Variants in STAP1 observed in about 807,000 individuals in gnomAD.
STAP1 encodes the protein signal-transducing adaptor protein 1.
A neutral mutation model predicts 37.8 loss-of-function variants in STAP1; 30 were observed. The ratio of observed to expected loss-of-function variants is 0.79; its 90% confidence interval spans 0.59 to 1.08. The LOEUF (loss-of-function observed/expected upper bound fraction) is 1.08, where lower values mean the gene tolerates loss of function less well. Ranked by LOEUF, STAP1 falls within the 50% of genes least tolerant of loss-of-function variation. The probability of loss-of-function intolerance (pLI) is 0.00; values close to 1 mark genes in which losing one functional copy is unlikely to be tolerated. For missense variants in STAP1, 357 were observed against 349.4 expected, an observed-to-expected ratio of 1.02 and a Z score of -0.17; for synonymous variants, 130 against 116.0, an observed-to-expected ratio of 1.12 and a Z score of -0.78.
intron 6 of STAP1, among the ~76,000 whole-genome samples, chr4:67,590,270 AGG>A (rs2109871001): frequency 6.6e-6 from 1 of 152,332 alleles, no homozygotes; most frequent in South Asian, 2.1e-4. Flanking sequence ...ACTATAGAAG[AGG>A]AAGACAATAC....
chr4:67,577,406 T>C (rs977607746), intron 4 of STAP1, 147 bp downstream of exon 4: 17 of 546,026 alleles, frequency 3.1e-5, no homozygotes, highest in Non-Finnish European at 4.6e-5. Context: ...TTATGAACAT[T>C]ATATTTTCAT....
chr4:67,561,114 T>C (rs955827734), intron 1 of STAP1, among the ~76,000 whole-genome samples: 22 of 152,230 alleles, frequency 1.4e-4, no homozygotes, highest in Non-Finnish European at 3.2e-4. Context: ...TATCATACTC[T>C]TATTCAGGTA....
intron 3 of STAP1, among the ~76,000 whole-genome samples, chr4:67,576,638 C>G (rs924778133): frequency 1.3e-5 from 2 of 152,156 alleles, no homozygotes; most frequent in African/African-American, 4.8e-5. Flanking sequence ...TCTCAAGTAG[C>G]TGACACCACC....
At chr4:67,594,694 A>G (rs1423272207) in intron 8 of STAP1, among the ~76,000 whole-genome samples, 1 of 152,166 alleles carries the variant, frequency 6.6e-6, no homozygotes, top group African/African-American at 2.4e-5. Context: ...TCTGTCATCT[A>G]AATTATTGGT....
chr4:67,593,250 A>G lies in STAP1; in HGVS notation c.730-10A>G, dbSNP rs529990459. The G allele has an allele frequency of 2.3e-5, 37 of 1,603,256 alleles. No homozygotes were observed. The South Asian group carries it at 2.9e-4, about 13-fold the overall frequency. ...GATGCTGAGTTTTCTCTCACTCTCT[A>G]TTAATACAGGTAACACTCCCAAACC... On this transcript the variant is annotated splice_polypyrimidine_tract_variant and intron_variant, in intron 7 of 8. Coordinates refer to ENST00000265404, the MANE Select transcript of STAP1 (RefSeq NM_012108.4).
At chr4:67,600,534 C>T (rs1455996998) in intron 8 of STAP1, among the ~76,000 whole-genome samples, 1 of 152,044 alleles carries the variant, frequency 6.6e-6, no homozygotes, top group African/African-American at 2.4e-5. Flanking sequence ...GTCTATGGTG[C>T]AGATTATGTC....
Position 67,558,785 on chromosome 4 carries a change from C to A in STAP1, c.-25C>A, listed in dbSNP as rs1727267107. The A allele has an allele frequency of 3.1e-6, 5 of 1,595,496 alleles. No individual in the cohort carries two copies. In the East Asian group the frequency reaches 9.0e-5, roughly 29 times the overall value. On this transcript the variant is annotated 5_prime_UTR_variant, in exon 1 of 9. Transcript: ENST00000265404. Reference sequence around the variant, plus strand: ...TTTCATTTTGTTTGAGACGAGAAACCAAACCACACACCAAAGAGAGGGGTA... The same window carrying A: ...TTTCATTTTGTTTGAGACGAGAAACAAAACCACACACCAAAGAGAGGGGTA...
chr4:67,596,081 C>T (rs111492144), intron 8 of STAP1, among the ~76,000 whole-genome samples: 14 of 152,206 alleles, frequency 9.2e-5, no homozygotes, highest in African/African-American at 1.7e-4. Context: ...TTTTCCCACC[C>T]GAATCTCATC....
At chr4:67,599,971 A>C (rs548082382) in intron 8 of STAP1, among the ~76,000 whole-genome samples, 2 of 151,924 alleles carry the variant, frequency 1.3e-5, no homozygotes, top group Non-Finnish European at 2.9e-5. Flanking sequence ...TTGTTTCAAT[A>C]ATCTTTTGTA....
intron 4 of STAP1, among the ~76,000 whole-genome samples, chr4:67,579,695 C>T (rs1347667272): frequency 6.6e-6 from 1 of 151,952 alleles, no homozygotes; most frequent in African/African-American, 2.4e-5. Context: ...ATGACTAGAT[C>T]TCACAAGAAT....
chr4:67,576,293 G>A (rs1420564192), intron 3 of STAP1, among the ~76,000 whole-genome samples: 1 of 151,474 alleles, frequency 6.6e-6, no homozygotes, highest in Non-Finnish European at 1.5e-5. Flanking sequence ...CTTTCTTTTC[G>A]ACACTATAAA....
rs541982890 is a variant in STAP1, at chr4:67,576,575, A to C, written c.307-628A>C. Among the ~76,000 whole-genome samples the C allele has an allele frequency of 8.5e-5, 13 of 152,340 alleles. No individual in the cohort carries two copies. The South Asian group carries it at 1.2e-3, about 15-fold the overall frequency. ...AGCTACCACTAAAAGTGCTCAAAAT[A>C]TGTTGGCTGCAGTCTTGACCTCCCA... On this transcript the variant is annotated intron_variant, in intron 3 of 8. Transcript: ENST00000265404.
chr4:67,576,075 A>G (rs1206262175), intron 3 of STAP1, among the ~76,000 whole-genome samples: 1 of 152,128 alleles, frequency 6.6e-6, no homozygotes, highest in Non-Finnish European at 1.5e-5. Context: ...TTTATTAGTT[A>G]TTCATTCATT....
intron 8 of STAP1, 93 bp from the exon 9 acceptor site, chr4:67,606,203 C>A: frequency 2.1e-6 from 2 of 973,778 alleles, no homozygotes; most frequent in Non-Finnish European, 3.1e-6. Context: ...ATGTTCCACA[C>A]ACGAGCAGGA....
chr4:67,564,648 T>C (rs1727425053), intron 1 of STAP1, among the ~76,000 whole-genome samples: 1 of 152,098 alleles, frequency 6.6e-6, no homozygotes, highest in African/African-American at 2.4e-5. Flanking sequence ...CATACTTTAG[T>C]AAAATTGCAC....
At chr4:67,582,229 T>C (rs538779101) in intron 5 of STAP1, among the ~76,000 whole-genome samples, 1 of 152,286 alleles carries the variant, frequency 6.6e-6, no homozygotes, top group East Asian at 1.9e-4. Context: ...AAGTAATATA[T>C]GTTTATTATA....
intron 3 of STAP1, 58 bp from the exon 4 acceptor site, chr4:67,577,145 G>A: frequency 6.8e-7 from 1 of 1,465,184 alleles, no homozygotes; most frequent in Non-Finnish European, 9.3e-7. Flanking sequence ...TTTATTTTAT[G>A]CTCAATCACT....
rs142590683 is a variant in STAP1, at chr4:67,603,677, G to A, written c.827-2619G>A. ...AGGGCGTGTCTAGAAATGCCCAGAA[G>A]CTAGGGCCTGAAATGGAGGCCTCAT... On this transcript the variant is annotated intron_variant, in intron 8 of 8. Transcript: ENST00000265404. Among the ~76,000 whole-genome samples the A allele has an allele frequency of 2.8e-3, 421 of 152,232 alleles. 1 individual carries two copies. The highest frequency in any genetic ancestry group is 9.6e-3 in the African/African-American group (399 of 41,534).
At chr4:67,562,700 A>T (rs1727377082) in intron 1 of STAP1, among the ~76,000 whole-genome samples, 1 of 151,982 alleles carries the variant, frequency 6.6e-6, no homozygotes, top group East Asian at 1.9e-4. Context: ...TGAACCCAGG[A>T]GGCGGAGCTT....
Sources: allele counts gnomAD v4.1 joint callset (sites outside exome capture counted in the v4.1 genomes callset), GRCh38; gene constraint gnomAD v4.1.1; transcripts MANE v1.5; gene names NCBI Gene and HGNC (gene_info 2026-07-23, HGNC 2026-07-21).